LRP1B: variants seen among roughly 807,000 people sequenced by gnomAD.
LRP1B encodes the protein LDL receptor related protein 1B, also known as low-density lipoprotein receptor-related protein 1B.
A neutral mutation model predicts 556.6 loss-of-function variants in LRP1B; 217 were observed. The observed-to-expected ratio is 0.39, with a 90% CI of 0.35 to 0.44. LRP1B has a LOEUF of 0.44. Among genes scored for constraint, LRP1B ranks in the 20% least tolerant of loss-of-function variants. The pLI, the probability that LRP1B is intolerant of heterozygous loss-of-function variation, is 1.00. For missense variants in LRP1B, 5,053 were observed against 5,620.8 expected, an observed-to-expected ratio of 0.90 and a Z score of 3.23; for synonymous variants, 2,047 against 1,865.8, an observed-to-expected ratio of 1.10 and a Z score of -2.50.
At chr2:140,906,972 T>TTAAAAAAA (rs540356126) in intron 22 of LRP1B, among the ~76,000 whole-genome samples, 2 of 142,778 alleles carry the variant, frequency 1.4e-5, no homozygotes, top group South Asian at 2.2e-4. Context: ...CCACATATGG[T>TTAAAAAAA]AAAAAAAAAA....
At chr2:141,862,481 C>T (rs1265418458) in intron 1 of LRP1B, among the ~76,000 whole-genome samples, 3 of 152,280 alleles carry the variant, frequency 2.0e-5, no homozygotes, top group Non-Finnish European at 4.4e-5. Context: ...CAAATCTCGG[C>T]TCACGGCAAC....
At chr2:140,995,653 G>T (rs1377508244) in intron 15 of LRP1B, among the ~76,000 whole-genome samples, 1 of 151,958 alleles carries the variant, frequency 6.6e-6, no homozygotes, top group African/African-American at 2.4e-5. Flanking sequence ...CAATGCAATA[G>T]CACACAGCTT....
intron 3 of LRP1B, among the ~76,000 whole-genome samples, chr2:141,278,513 G>A (rs927318531): frequency 2.0e-5 from 3 of 152,050 alleles, no homozygotes; most frequent in African/African-American, 2.4e-5. Flanking sequence ...ACTGGGTCAC[G>A]TTGCTGACTA....
intron 2 of LRP1B, among the ~76,000 whole-genome samples, chr2:141,730,484 T>TTGAATGCCAG (rs1343836469): frequency 6.6e-6 from 1 of 152,212 alleles, no homozygotes; most frequent in Admixed American, 6.5e-5. Context: ...TTGAATGCCA[T>TTGAATGCCAG]GATACGTGCT....
intron 1 of LRP1B, among the ~76,000 whole-genome samples, chr2:141,979,596 T>G (rs987885350): frequency 6.6e-6 from 1 of 152,110 alleles, no homozygotes; most frequent in Non-Finnish European, 1.5e-5. Context: ...CATTCAACCT[T>G]CTTTTCAGTT....
In LRP1B at chr2:141,623,996, AC is replaced by A. The variant is rs199838492; in HGVS notation, c.206-143464del. ...CACCACCGCACTCTAGTTCTGGGCA[AC>A]AGAGCAGAACTCCAACTCAAAAAAA... On this transcript the variant is annotated intron_variant, in intron 2 of 90. Transcript: ENST00000389484. 9.4e-3 allele frequency among the ~76,000 whole-genome samples: 1,339 copies of A among 143,182 alleles called. 26 individuals carry two copies. Among genetic ancestry groups the A allele is most frequent in the African/African-American group, 0.03 (1,183 of 38,818 alleles). 93.9% of individuals were successfully genotyped at this position (143,182 alleles called of 152,430 possible).
intron 2 of LRP1B, among the ~76,000 whole-genome samples, chr2:141,639,361 CACAT>C (rs1689236482): frequency 4.6e-5 from 3 of 65,630 alleles, no homozygotes; most frequent in African/African-American, 1.4e-4. Flanking sequence ...CACACACACA[CACAT>C]ATATATATAT....
chr2:140,261,038 GAT>G (rs923315711), intron 86 of LRP1B, among the ~76,000 whole-genome samples: 27 of 128,092 alleles, frequency 2.1e-4, no homozygotes, highest in African/African-American at 7.4e-4. Flanking sequence ...ATGTTGGTGA[GAT>G]ATATATATAT....
chr2:140,577,614 T>C (rs1681582410), intron 43 of LRP1B, among the ~76,000 whole-genome samples: 1 of 151,604 alleles, frequency 6.6e-6, no homozygotes, highest in African/African-American at 2.4e-5. Flanking sequence ...AGAAACAGAG[T>C]CTCACTATTT....
intron 6 of LRP1B, among the ~76,000 whole-genome samples, chr2:141,192,992 C>T (rs1249441): frequency 0.83 from 125,532 of 151,912 alleles, 52,144 homozygotes; most frequent in Middle Eastern, 0.88. Flanking sequence ...TATAAAATGA[C>T]ACATCAATTT....
chr2:141,553,500 C>T (rs1260808804), intron 2 of LRP1B, among the ~76,000 whole-genome samples: 1 of 151,330 alleles, frequency 6.6e-6, no homozygotes, highest in South Asian at 2.1e-4. Context: ...GGTCAACAGG[C>T]AAACATCTGC....
At chr2:140,696,804 C>T (rs1287744977) in intron 41 of LRP1B, among the ~76,000 whole-genome samples, 1 of 152,148 alleles carries the variant, frequency 6.6e-6, no homozygotes, top group African/African-American at 2.4e-5. Flanking sequence ...CCAAAACCAT[C>T]CCCTGCCTTC....
At chr2:141,866,794 G>A (rs1574444637) in intron 1 of LRP1B, among the ~76,000 whole-genome samples, 1 of 151,580 alleles carries the variant, frequency 6.6e-6, no homozygotes. Context: ...TATGAGGTAA[G>A]AGAAGGGGAG....
At chr2:141,395,630 G>A (rs1424190106) in intron 3 of LRP1B, among the ~76,000 whole-genome samples, 1 of 152,124 alleles carries the variant, frequency 6.6e-6, no homozygotes, top group Non-Finnish European at 1.5e-5. Flanking sequence ...CATTAATTGT[G>A]TAGTGTGGGG....
chr2:141,741,441 T>C (rs796579120), intron 2 of LRP1B, among the ~76,000 whole-genome samples: 15 of 152,144 alleles, frequency 9.9e-5, no homozygotes, highest in African/African-American at 3.6e-4. Context: ...TTCCCTTTTC[T>C]CCACTTCCTT....
At chr2:140,991,883 T>C (rs757796076) in intron 16 of LRP1B, among the ~76,000 whole-genome samples, 1 of 152,102 alleles carries the variant, frequency 6.6e-6, no homozygotes, top group Non-Finnish European at 1.5e-5. Context: ...AATGGATGCA[T>C]AATAGACTAA....
chr2:141,605,390 T>G (rs1687883429), intron 2 of LRP1B, among the ~76,000 whole-genome samples: 1 of 152,054 alleles, frequency 6.6e-6, no homozygotes, highest in Non-Finnish European at 1.5e-5. Flanking sequence ...TTATTTTTTT[T>G]GAAAAAGGTC....
At chr2:141,085,171 T>C (rs980705979) in intron 7 of LRP1B, among the ~76,000 whole-genome samples, 1 of 151,956 alleles carries the variant, frequency 6.6e-6, no homozygotes, top group Admixed American at 6.6e-5. Flanking sequence ...AAACTGTGTT[T>C]GTGTTTATTA....
At chr2:141,487,126 T>C (rs1482276414) in intron 2 of LRP1B, among the ~76,000 whole-genome samples, 4 of 152,182 alleles carry the variant, frequency 2.6e-5, no homozygotes, top group African/African-American at 9.6e-5. Context: ...CCCCTCCACC[T>C]TTTGCCTGGG....
Sources: gnomAD v4.1 joint callset for allele counts (sites outside exome capture counted in the v4.1 genomes callset) on GRCh38, gnomAD v4.1.1 for gene constraint, MANE v1.5 for transcripts, NCBI Gene and HGNC (gene_info 2026-07-23, HGNC 2026-07-21) for gene names.